Variants in PLXDC2 observed in about 807,000 individuals in gnomAD.
PLXDC2 encodes the protein plexin domain containing 2.
In PLXDC2, 40 loss-of-function variants were observed where a neutral mutation model predicts 68.9. The observed-to-expected ratio is 0.58, with a 90% confidence interval of 0.45 to 0.76. The LOEUF (loss-of-function observed/expected upper bound fraction) is 0.76. Ranked by LOEUF, PLXDC2 falls within the 30% of genes least tolerant of loss-of-function variation. The pLI is 0.00. For missense variants in PLXDC2, 644 were observed against 661.9 expected (o/e 0.97, Z 0.30); for synonymous variants, 243 against 234.2 (o/e 1.04, Z -0.34).
rs377518479 is a variant in PLXDC2, at chr10:20,217,721, A to G, written c.1273+145A>G. On this transcript the variant is annotated intron_variant, in intron 11 of 13. Transcript: ENST00000377252. ...TTATTCTTTGGCAAACTGGATTTCT[A>G]AGGGATTTCCAAAGGGGAAAAAGAC... 2.6e-5 allele frequency: 30 copies of G among 1,145,146 alleles called. No individual in the cohort carries two copies. In the African/African-American group the frequency reaches 4.0e-4, roughly 15 times the overall value. 70.9% of individuals were successfully genotyped at this position (1,145,146 alleles called of 1,614,324 possible). A position where few individuals can be genotyped will look rare whatever the true frequency, so the allele number is the denominator to read the frequency against.
intron 13 of PLXDC2, among the ~76,000 whole-genome samples, chr10:20,251,966 T>G (rs187647740): frequency 2.0e-5 from 3 of 150,228 alleles, no homozygotes; most frequent in Admixed American, 6.6e-5. Context: ...AAGTAAAAAC[T>G]AAGAGTACCT....
chr10:19,887,478 C>T (rs7478337), intron 1 of PLXDC2, among the ~76,000 whole-genome samples: 36,264 of 151,884 alleles, frequency 0.24, 4,694 homozygotes, highest in East Asian at 0.36. Context: ...GCTGAGATCG[C>T]GCCACTGCTC....
chr10:19,898,147 A>G (rs1838094278), intron 1 of PLXDC2, among the ~76,000 whole-genome samples: 1 of 152,214 alleles, frequency 6.6e-6, no homozygotes, highest in South Asian at 2.1e-4. Context: ...CAATAAATAC[A>G]AAGAAGAGGG....
intron 4 of PLXDC2, among the ~76,000 whole-genome samples, chr10:20,119,870 A>C (rs1416515164): frequency 7.0e-6 from 1 of 142,092 alleles, no homozygotes; most frequent in Non-Finnish European, 1.5e-5. Context: ...GTTTTGTATG[A>C]ATTGAAAAAC....
intron 1 of PLXDC2, among the ~76,000 whole-genome samples, chr10:19,999,210 A>AGG (rs889380779): frequency 6.6e-6 from 1 of 152,166 alleles, no homozygotes; most frequent in Non-Finnish European, 1.5e-5. Context: ...AGGGGAGGGA[A>AGG]GGTGCTAATG....
intron 1 of PLXDC2, among the ~76,000 whole-genome samples, chr10:19,869,567 A>G (rs990452296): frequency 6.6e-6 from 1 of 151,736 alleles, no homozygotes; most frequent in African/African-American, 2.4e-5. Flanking sequence ...ATTAATAACT[A>G]TATCATAGGA....
At chr10:19,895,987 C>T (rs1322628377) in intron 1 of PLXDC2, among the ~76,000 whole-genome samples, 1 of 152,124 alleles carries the variant, frequency 6.6e-6, no homozygotes, top group African/African-American at 2.4e-5. Context: ...GGTACCACTC[C>T]AGGAAGGTCC....
chr10:19,957,307 C>T (rs909066975), intron 1 of PLXDC2, among the ~76,000 whole-genome samples: 2 of 152,038 alleles, frequency 1.3e-5, no homozygotes, highest in African/African-American at 2.4e-5. Context: ...AAATGATTTA[C>T]TGTAAATGCT....
At chr10:20,124,434 C>G (rs1259693465) in intron 4 of PLXDC2, among the ~76,000 whole-genome samples, 1 of 152,030 alleles carries the variant, frequency 6.6e-6, no homozygotes, top group Non-Finnish European at 1.5e-5. Flanking sequence ...GGTCTGAGGA[C>G]CTGAGGTCGT....
At chr10:20,026,227 G>T (rs2358659) in intron 2 of PLXDC2, among the ~76,000 whole-genome samples, 105,303 of 150,278 alleles carry the variant, frequency 0.7, 37,634 homozygotes, top group East Asian at 0.89. Flanking sequence ...AGAGACTATG[G>T]TTTTTTTTTT....
chr10:20,102,234 T>C (rs1833433403), intron 4 of PLXDC2, among the ~76,000 whole-genome samples: 1 of 152,226 alleles, frequency 6.6e-6, no homozygotes, highest in South Asian at 2.1e-4. Flanking sequence ...AAATCCACAA[T>C]CTACATTCCA....
At chr10:20,149,154 T>C (rs35651399) in intron 6 of PLXDC2, among the ~76,000 whole-genome samples, 33,867 of 151,008 alleles carry the variant, frequency 0.22, 4,664 homozygotes, top group East Asian at 0.51. Context: ...GGAGGTTTTG[T>C]TGTACAGATT....
At chr10:20,004,451 T>C (rs1263994465) in intron 2 of PLXDC2, among the ~76,000 whole-genome samples, 1 of 152,156 alleles carries the variant, frequency 6.6e-6, no homozygotes, top group Admixed American at 6.5e-5. Context: ...TGAGCCACTC[T>C]TTAGCTGGGG....
At chr10:20,003,211 T>G (rs1328383233) in intron 2 of PLXDC2, among the ~76,000 whole-genome samples, 1 of 152,142 alleles carries the variant, frequency 6.6e-6, no homozygotes, top group African/African-American at 2.4e-5. Flanking sequence ...CAAGTAAACT[T>G]GGGCAAAAAA....
At chr10:19,985,687 A>T (rs1317773356) in intron 1 of PLXDC2, among the ~76,000 whole-genome samples, 1 of 152,210 alleles carries the variant, frequency 6.6e-6, no homozygotes, top group African/African-American at 2.4e-5. Context: ...TTCAGAATAA[A>T]AGCATTGTTT....
chr10:20,045,544 T>C (rs561252039), intron 2 of PLXDC2, among the ~76,000 whole-genome samples: 6 of 152,288 alleles, frequency 3.9e-5, no homozygotes, highest in African/African-American at 1.4e-4. Context: ...TCATAGTCTC[T>C]CTTTTAGTCA....
chr10:20,220,628 G>GA (rs1835197312), intron 12 of PLXDC2, among the ~76,000 whole-genome samples: 1 of 152,058 alleles, frequency 6.6e-6, no homozygotes, highest in Admixed American at 6.6e-5. Flanking sequence ...AAAAGTTAAA[G>GA]AAATTTCCCT....
At chr10:20,047,309 G>T (rs113440053) in intron 3 of PLXDC2, among the ~76,000 whole-genome samples, 2 of 152,080 alleles carry the variant, frequency 1.3e-5, no homozygotes, top group African/African-American at 2.4e-5. Context: ...CTTTATCTTG[G>T]ATTATTTTTA....
intron 13 of PLXDC2, among the ~76,000 whole-genome samples, 197 bp from the exon 14 acceptor site, chr10:20,279,506 C>G (rs1290735933): frequency 6.6e-6 from 1 of 151,974 alleles, no homozygotes; most frequent in Non-Finnish European, 1.5e-5. Context: ...GGGTAGATAG[C>G]GCCATCTTGG....
Sources: gnomAD v4.1 joint callset for allele counts (sites outside exome capture counted in the v4.1 genomes callset) on GRCh38, gnomAD v4.1.1 for gene constraint, MANE v1.5 for transcripts, NCBI Gene and HGNC (gene_info 2026-07-23, HGNC 2026-07-21) for gene names.